Variants in SCAMP2 observed in about 807,000 individuals in gnomAD.
SCAMP2 encodes secretory carrier-associated membrane protein 2.
In SCAMP2, 25 loss-of-function variants were observed where a neutral mutation model predicts 44.1. That is an observed-to-expected ratio of 0.57 (90% CI 0.41 to 0.79). The LOEUF (loss-of-function observed/expected upper bound fraction) is 0.79. Among genes scored for constraint, SCAMP2 ranks in the 30% least tolerant of loss-of-function variants. SCAMP2 has a pLI of 0.00. For missense variants in SCAMP2, 355 were observed against 411.0 expected (o/e 0.86, Z 1.18); for synonymous variants, 156 against 166.0 (o/e 0.94, Z 0.46).
At chr15:74,871,044 C>T (rs137961727) in intron 1 of SCAMP2, among the ~76,000 whole-genome samples, 213 of 152,218 alleles carry the variant, frequency 1.4e-3, no homozygotes, top group African/African-American at 4.8e-3. Flanking sequence ...TTCCCTAGAA[C>T]GGGTTTTGAG....
Position 74,844,947 on chromosome 15 carries a change from AG to A in SCAMP2, c.*135del. 1.0e-6 allele frequency: 1 copy of A among 968,448 alleles called. No individual in the cohort carries two copies. The highest frequency in any genetic ancestry group is 1.8e-5 in the South Asian group (1 of 54,938). 60.0% of individuals were successfully genotyped at this position (968,448 alleles called of 1,614,324 possible). ...CCGTTCCAGGGAGAGCTGGTCGCTG[AG>A]GGAGGAGGAAGAGCCACGGCAAGAA... On this transcript the variant is annotated 3_prime_UTR_variant, in exon 9 of 9. Coordinates refer to ENST00000268099, the MANE Select transcript of SCAMP2 (RefSeq NM_005697.5).
chr15:74,851,450 C>G lies in SCAMP2; in HGVS notation c.375G>C (p.Ser125=). 3 of 1,613,922 alleles carry G rather than the reference C, an allele frequency of 1.9e-6. No homozygotes were observed. The highest frequency in any genetic ancestry group is 2.2e-5 in the East Asian group (1 of 44,884). ...VRQNNWPPLP[S]WCPVKPCFYQ... is the part of the protein sequence containing the mutation. ...AGAAGCAGGGCTTCACAGGGCACCA[C>G]GAGGGCAGAGGGGGCCAGTTGTTCT... Residue 125 remains serine, a synonymous_variant, in exon 5 of 9, where the codon TCG becomes TCC. Coordinates refer to ENST00000268099, the MANE Select transcript of SCAMP2 (RefSeq NM_005697.5).
chr15:74,852,336 G>A, intron 3 of SCAMP2, 150 bp from the exon 4 acceptor site: 1 of 471,602 alleles, frequency 2.1e-6, no homozygotes, highest in Non-Finnish European at 3.6e-6. Context: ...AGTGTCTTAG[G>A]TACCAGAGAC....
chr15:74,863,529 T>TA (rs1275060273), intron 1 of SCAMP2, among the ~76,000 whole-genome samples: 1 of 146,878 alleles, frequency 6.8e-6, no homozygotes, highest in African/African-American at 2.5e-5. Flanking sequence ...AAAAAAACAG[T>TA]AAGTGAGCAA....
chr15:74,872,621 C>G (rs559549402), intron 1 of SCAMP2, among the ~76,000 whole-genome samples: 1 of 152,270 alleles, frequency 6.6e-6, no homozygotes, highest in East Asian at 1.9e-4. Context: ...GAATTCTTAT[C>G]AAGGCCATTT....
intron 1 of SCAMP2, among the ~76,000 whole-genome samples, chr15:74,870,869 G>T (rs1307621737): frequency 5.9e-5 from 9 of 152,190 alleles, no homozygotes; most frequent in Non-Finnish European, 1.0e-4. Flanking sequence ...CTCATGCTGT[G>T]AATGACAGGA....
chr15:74,872,962 G>C (rs895609648), intron 1 of SCAMP2: 6 of 462,288 alleles, frequency 1.3e-5, no homozygotes, highest in Admixed American at 4.4e-5. Flanking sequence ...CCAGCCTCCG[G>C]GTGCTAGAAG....
At chr15:74,869,837 C>T (rs974287960) in intron 1 of SCAMP2, among the ~76,000 whole-genome samples, 2 of 152,202 alleles carry the variant, frequency 1.3e-5, no homozygotes, top group Non-Finnish European at 2.9e-5. Flanking sequence ...TCTATCGCCT[C>T]TCCACCTGCT....
At chr15:74,851,583 A>G (rs2064435938) in intron 4 of SCAMP2, 102 bp from the exon 5 acceptor site, 3 of 1,476,012 alleles carry the variant, frequency 2.0e-6, no homozygotes, top group East Asian at 2.3e-5. Context: ...CAGGGTTCCC[A>G]GAGGGGCTCC....
chr15:74,850,811 A>C, intron 5 of SCAMP2, 138 bp from the exon 6 acceptor site: 1 of 809,080 alleles, frequency 1.2e-6, no homozygotes, highest in South Asian at 1.8e-5. Context: ...CTCTGTACCT[A>C]GGCAGGGATA....
intron 1 of SCAMP2, among the ~76,000 whole-genome samples, chr15:74,857,584 C>G (rs2064475855): frequency 1.3e-5 from 2 of 152,164 alleles, no homozygotes; most frequent in Non-Finnish European, 2.9e-5. Flanking sequence ...AAACAGACAT[C>G]TGGCCAAGGT....
At chr15:74,871,851 T>C (rs186524140) in intron 1 of SCAMP2, among the ~76,000 whole-genome samples, 3 of 145,138 alleles carry the variant, frequency 2.1e-5, no homozygotes, top group African/African-American at 5.1e-5. Flanking sequence ...TTGAGACCAG[T>C]CTGGCCAATA....
chr15:74,870,367 C>T (rs2064567593), intron 1 of SCAMP2, among the ~76,000 whole-genome samples: 2 of 152,200 alleles, frequency 1.3e-5, no homozygotes, highest in Admixed American at 6.5e-5. Context: ...TTTTAGACAA[C>T]TGACTTCCTC....
intron 3 of SCAMP2, 186 bp from the exon 4 acceptor site, chr15:74,852,372 C>T: frequency 2.4e-6 from 1 of 415,244 alleles, no homozygotes. Context: ...AACCTGTCTT[C>T]CACTGCCCCC....
intron 1 of SCAMP2, among the ~76,000 whole-genome samples, chr15:74,857,665 G>A (rs1479978501): frequency 6.6e-6 from 1 of 152,200 alleles, no homozygotes; most frequent in Admixed American, 6.5e-5. Context: ...CAGACAGAAG[G>A]GGACTGTGAT....
Position 74,854,127 on chromosome 15 carries a change from G to A in SCAMP2, c.127-8C>T. ...TGTTGTCGCTGCATTTGTCTACATGGAACAAATCAAAAGACAGAATTGAGT... is the reference window on the plus strand; with the variant it reads ...TGTTGTCGCTGCATTTGTCTACATGAAACAAATCAAAAGACAGAATTGAGT... On this transcript the variant is annotated splice_polypyrimidine_tract_variant and splice_region_variant and intron_variant, in intron 2 of 8. Coordinates refer to ENST00000268099, the MANE Select transcript of SCAMP2 (RefSeq NM_005697.5). 2 of 1,611,370 alleles carry A rather than the reference G, an allele frequency of 1.2e-6. No homozygotes were observed. Among genetic ancestry groups the A allele is most frequent in the Non-Finnish European group, 1.7e-6 (2 of 1,177,474 alleles).
intron 1 of SCAMP2, among the ~76,000 whole-genome samples, chr15:74,871,689 T>C (rs554964306): frequency 1.3e-3 from 182 of 137,512 alleles, no homozygotes; most frequent in Middle Eastern, 0.011. Flanking sequence ...GAGGCTGAGG[T>C]TGCAGTGAGC....
intron 1 of SCAMP2, among the ~76,000 whole-genome samples, chr15:74,860,325 G>A (rs1284100814): frequency 6.6e-6 from 1 of 152,116 alleles, no homozygotes; most frequent in South Asian, 2.1e-4. Context: ...CAAGGCAGGA[G>A]GATCACCTGA....
intron 1 of SCAMP2, among the ~76,000 whole-genome samples, chr15:74,863,385 C>G (rs1385757813): frequency 6.6e-6 from 1 of 151,140 alleles, no homozygotes; most frequent in Non-Finnish European, 1.5e-5. Flanking sequence ...GTCGTGGGTA[C>G]CTGTGGTCCC....
Sources: gnomAD v4.1 joint callset for allele counts (sites outside exome capture counted in the v4.1 genomes callset) on GRCh38, gnomAD v4.1.1 for gene constraint, MANE v1.5 for transcripts, NCBI Gene and HGNC (gene_info 2026-07-23, HGNC 2026-07-21) for gene names.